Variants in FGF14 observed in about 807,000 individuals in gnomAD.
FGF14 encodes fibroblast growth factor homologous factor 4.
Under a neutral mutation model 25.5 loss-of-function variants are expected in FGF14, and 5 were observed. The observed-to-expected ratio is 0.20, with a 90% CI of 0.10 to 0.41. The LOEUF is 0.41. Ranked by LOEUF, FGF14 falls within the 10% of genes least tolerant of loss-of-function variation. FGF14 has a pLI of 1.00. For synonymous variants in FGF14, 138 were observed against 118.3 expected (o/e 1.17, Z -1.08); for missense variants, 222 against 320.1 (o/e 0.69, Z 2.34).
Position 102,345,594 on chromosome 13 carries a change from C to A in FGF14, c.208+55877G>T, listed in dbSNP as rs141821422. The stretch of plus-strand genomic sequence containing the variant: ...GTATATGTTGGTATAGATCTGTTGC[C>A]GTGGGTTGTTCTTTTCTAGAAGAGT... On this transcript the variant is annotated intron_variant, in intron 1 of 4. Coordinates refer to the FGF14 transcript ENST00000376131. Among the ~76,000 whole-genome samples, 7 of 152,214 alleles carry A rather than the reference C, an allele frequency of 4.6e-5. No homozygotes were observed. In the East Asian group the frequency reaches 1.3e-3, roughly 29 times the overall value.
intron 1 of FGF14, among the ~76,000 whole-genome samples, chr13:102,080,358 C>T (rs137879558): frequency 4.3e-4 from 66 of 152,134 alleles, no homozygotes; most frequent in African/African-American, 1.6e-3. Flanking sequence ...GGGTGGGTGC[C>T]GGCGACGTCA....
chr13:102,155,020 T>A (rs7492031), intron 1 of FGF14, among the ~76,000 whole-genome samples: 2,956 of 152,238 alleles, frequency 0.019, 100 homozygotes, highest in African/African-American at 0.068. Context: ...AAGCCAGTCC[T>A]TAGAGACCTA....
chr13:102,296,826 C>G (rs544768875), intron 1 of FGF14, among the ~76,000 whole-genome samples: 10 of 152,248 alleles, frequency 6.6e-5, no homozygotes, highest in Middle Eastern at 3.4e-3. Context: ...TTCAGCTATT[C>G]ATGAAATCCT....
chr13:102,278,063 G>A (rs2053632053), intron 1 of FGF14, among the ~76,000 whole-genome samples: 1 of 152,072 alleles, frequency 6.6e-6, no homozygotes, highest in Non-Finnish European at 1.5e-5. Context: ...TTCAAGGTGG[G>A]AGCCCACCTA....
intron 1 of FGF14, among the ~76,000 whole-genome samples, chr13:102,189,992 C>A (rs1248814147): frequency 6.6e-6 from 1 of 152,152 alleles, no homozygotes; most frequent in Non-Finnish European, 1.5e-5. Context: ...ACACCTCCCA[C>A]TAGACACCTC....
chr13:101,755,870 T>C (rs913237671), intron 3 of FGF14, among the ~76,000 whole-genome samples: 1 of 152,190 alleles, frequency 6.6e-6, no homozygotes, highest in African/African-American at 2.4e-5. Flanking sequence ...CCACATACAC[T>C]TTTCAAGAAC....
chr13:101,917,147 G>C (rs2033608835), upstream of FGF14, among the ~76,000 whole-genome samples: 1 of 151,630 alleles, frequency 6.6e-6, no homozygotes, highest in Non-Finnish European at 1.5e-5. Flanking sequence ...TCAGCGCCGG[G>C]CTCCAGCTGC....
chr13:101,950,273 T>C (rs1362263395), intron 1 of FGF14, among the ~76,000 whole-genome samples: 1 of 152,194 alleles, frequency 6.6e-6, no homozygotes, highest in Admixed American at 6.5e-5. Flanking sequence ...CTACTAGTAG[T>C]TGGCTACTCT....
Position 102,116,107 on chromosome 13 carries a change from T to C in FGF14, c.209-240811A>G, listed in dbSNP as rs12017056. On this transcript the variant is annotated intron_variant, in intron 1 of 4. Transcript: ENST00000376131. Reference sequence around the variant, plus strand: ...CCTGGGCAACAAGAGCGAAATTCCATCTCAAATAAACAAACAAACAAACAA... The same window carrying C: ...CCTGGGCAACAAGAGCGAAATTCCACCTCAAATAAACAAACAAACAAACAA... Among the ~76,000 whole-genome samples, 1,202 of 152,068 alleles carry C rather than the reference T, an allele frequency of 7.9e-3. 17 individuals carry two copies. Among genetic ancestry groups the C allele is most frequent in the African/African-American group, 0.026 (1,095 of 41,424 alleles).
At chr13:102,016,130 A>G (rs2139831299) in intron 1 of FGF14, among the ~76,000 whole-genome samples, 1 of 152,222 alleles carries the variant, frequency 6.6e-6, no homozygotes, top group Admixed American at 6.5e-5. Flanking sequence ...CATTTTAAGT[A>G]TTTTAGTTCA....
intron 1 of FGF14, among the ~76,000 whole-genome samples, chr13:102,088,282 G>T (rs1404804779): frequency 6.6e-6 from 1 of 152,106 alleles, no homozygotes; most frequent in Admixed American, 6.6e-5. Context: ...TTTAATGAAG[G>T]CCACTTTAAA....
At position 101,916,672 on chromosome 13, in the gene FGF14, G is replaced by C; in HGVS notation, c.-27C>G. 1 of 1,473,656 alleles carries C rather than the reference G, an allele frequency of 6.8e-7. No individual in the cohort carries two copies. Among genetic ancestry groups the C allele is most frequent in the Non-Finnish European group, 9.0e-7 (1 of 1,111,350 alleles). The allele number at this position is 1,473,656 out of a possible 1,614,324, so 91.3% of individuals were successfully genotyped here. ...GTGGCCCCGGGAACGGGTCCGGGGA[G>C]GGAGGGCGCGGGAGGACGGCGAGCC... On this transcript the variant is annotated 5_prime_UTR_variant, in exon 1 of 5. Coordinates refer to ENST00000376143, the MANE Select transcript of FGF14 (RefSeq NM_004115.4).
intron 1 of FGF14, among the ~76,000 whole-genome samples, chr13:102,165,689 AG>A (rs1566771517): frequency 2.1e-5 from 3 of 144,216 alleles, no homozygotes; most frequent in Non-Finnish European, 4.6e-5. Context: ...GGGGAGGGAT[AG>A]CATTAGGAGA....
chr13:102,151,760 C>T (rs570309516), intron 1 of FGF14, among the ~76,000 whole-genome samples: 36 of 152,148 alleles, frequency 2.4e-4, no homozygotes, highest in African/African-American at 8.7e-4. Context: ...AGCCTCCCAA[C>T]GTACTAGGAT....
intron 1 of FGF14, among the ~76,000 whole-genome samples, chr13:102,271,945 T>C (rs1346432305): frequency 6.6e-6 from 1 of 152,154 alleles, no homozygotes; most frequent in Non-Finnish European, 1.5e-5. Context: ...GTCTATTCTC[T>C]AGTGAGGACT....
intron 1 of FGF14, among the ~76,000 whole-genome samples, chr13:102,040,703 G>T (rs1191366712): frequency 1.3e-5 from 2 of 152,096 alleles, no homozygotes; most frequent in East Asian, 3.9e-4. Context: ...TTGAATCTTG[G>T]TGAAAACACA....
chr13:102,263,875 G>A (rs565041357), intron 1 of FGF14, among the ~76,000 whole-genome samples: 2 of 152,226 alleles, frequency 1.3e-5, no homozygotes, highest in Admixed American at 1.3e-4. Context: ...GGGGAAAAAA[G>A]TTGAGTGTCA....
chr13:102,156,986 C>T (rs1721247054), intron 1 of FGF14, among the ~76,000 whole-genome samples: 2 of 152,098 alleles, frequency 1.3e-5, no homozygotes, highest in African/African-American at 4.8e-5. Flanking sequence ...AACTACAAAC[C>T]ACTGCTGAAT....
chr13:102,106,579 A>AGAGGGAGG (rs57979180), intron 1 of FGF14, among the ~76,000 whole-genome samples: 1 of 127,626 alleles, frequency 7.8e-6, no homozygotes, highest in Non-Finnish European at 1.6e-5. Flanking sequence ...CTGTCGAAAA[A>AGAGGGAGG]GAGGGAGGGA....
Sources: gnomAD v4.1 joint callset for allele counts (sites outside exome capture counted in the v4.1 genomes callset) on GRCh38, gnomAD v4.1.1 for gene constraint, MANE v1.5 for transcripts, NCBI Gene and HGNC (gene_info 2026-07-23, HGNC 2026-07-21) for gene names.